TENM3: variants seen among roughly 807,000 people sequenced by gnomAD.
The protein encoded by TENM3 is teneurin transmembrane protein 3, also known as teneurin-3.
TENM3 carries 63 observed loss-of-function variants against 255.1 expected under a neutral mutation model. The observed-to-expected ratio is 0.25, with a 90% CI of 0.20 to 0.30. The LOEUF (loss-of-function observed/expected upper bound fraction) is 0.30, where lower values mean the gene tolerates loss of function less well. Ranked by LOEUF, TENM3 falls within the 10% of genes least tolerant of loss-of-function variation. The pLI is 1.00. For missense variants in TENM3, 2,929 were observed against 3,461.1 expected, an observed-to-expected ratio of 0.85 and a Z score of 3.86; for synonymous variants, 1,306 against 1,322.3, an observed-to-expected ratio of 0.99 and a Z score of 0.27.
the TENM3 span, among the ~76,000 whole-genome samples, chr4:181,493,020 G>GA: frequency 0.026 from 3,833 of 145,490 alleles, 69 homozygotes; most frequent in South Asian, 0.042. Flanking sequence ...ACCATTGTGA[G>GA]AAAAAAAAAA....
chr4:181,809,163 A>G, the TENM3 span, among the ~76,000 whole-genome samples: 2 of 152,232 alleles, frequency 1.3e-5, no homozygotes, highest in African/African-American at 2.4e-5. Context: ...AAAGAAGTTA[A>G]AGAGAGCCAC....
At chr4:182,399,998 T>C (rs1312547708) in intron 3 of TENM3, among the ~76,000 whole-genome samples, 2 of 152,202 alleles carry the variant, frequency 1.3e-5, no homozygotes, top group African/African-American at 2.4e-5. Flanking sequence ...CCTGTTTTAC[T>C]TGTGTGTCTT....
At chr4:181,900,316 A>G in the TENM3 span, among the ~76,000 whole-genome samples, 1 of 152,238 alleles carries the variant, frequency 6.6e-6, no homozygotes, top group Non-Finnish European at 1.5e-5. Flanking sequence ...ATCTTTAATC[A>G]CTTTACCTGA....
At chr4:182,629,696 A>T (rs1169440319) in intron 5 of TENM3, among the ~76,000 whole-genome samples, 1 of 152,164 alleles carries the variant, frequency 6.6e-6, no homozygotes, top group Non-Finnish European at 1.5e-5. Flanking sequence ...CACCAAGAAC[A>T]ATAGCCAGTG....
chr4:181,871,394 CCTTTTATTTAGAT>C, the TENM3 span, among the ~76,000 whole-genome samples: 9 of 152,014 alleles, frequency 5.9e-5, no homozygotes, highest in Middle Eastern at 3.5e-3. Context: ...GTAACTCTCT[CCTTTTATTTAGAT>C]CTTTTATAAT....
At position 182,715,428 on chromosome 4, in the gene TENM3, A is replaced by G. The variant is rs562190564; in HGVS notation, c.2368+1195A>G. ...TAGTAATCATGTGACCTCAGACAAAATCTGTAATCACTTTAACCTCAATTG... is the reference window on the plus strand; with the variant it reads ...TAGTAATCATGTGACCTCAGACAAAGTCTGTAATCACTTTAACCTCAATTG... On this transcript the variant is annotated intron_variant, in intron 13 of 27. Transcript: ENST00000511685. Among the ~76,000 whole-genome samples, 6 of 152,320 alleles carry G rather than the reference A, an allele frequency of 3.9e-5. No homozygotes were observed. The South Asian group carries it at 1.2e-3, about 32-fold the overall frequency.
At chr4:182,035,785 G>A in the TENM3 span, among the ~76,000 whole-genome samples, 3 of 152,166 alleles carry the variant, frequency 2.0e-5, no homozygotes, top group Middle Eastern at 3.4e-3. Context: ...ACATGATGAC[G>A]ATGTCTCCTG....
intron 5 of TENM3, 102 bp from the exon 6 acceptor site, chr4:182,653,669 A>C: frequency 1.5e-6 from 2 of 1,311,472 alleles, no homozygotes; most frequent in South Asian, 1.7e-5. Flanking sequence ...AGAAAATGGA[A>C]ATTGTAACTT....
At chr4:181,773,889 A>G in the TENM3 span, among the ~76,000 whole-genome samples, 2 of 152,138 alleles carry the variant, frequency 1.3e-5, no homozygotes, top group Non-Finnish European at 2.9e-5. Flanking sequence ...TGCCCTCTGC[A>G]GTATTCCCCG....
intron 1 of TENM3, among the ~76,000 whole-genome samples, chr4:182,194,356 G>A (rs757379716): frequency 2.0e-5 from 3 of 152,174 alleles, no homozygotes; most frequent in Admixed American, 6.5e-5. Flanking sequence ...ATGCACGCGT[G>A]TTGCCAAACC....
chr4:181,875,590 T>C, the TENM3 span, among the ~76,000 whole-genome samples: 3 of 152,096 alleles, frequency 2.0e-5, no homozygotes, highest in African/African-American at 7.2e-5. Context: ...CATGTCCCAT[T>C]TACTCACAAA....
At chr4:181,628,517 G>A in the TENM3 span, among the ~76,000 whole-genome samples, 1 of 152,178 alleles carries the variant, frequency 6.6e-6, no homozygotes, top group Non-Finnish European at 1.5e-5. Flanking sequence ...TGTATAAGGT[G>A]TAAGGAAGGG....
At position 182,271,658 on chromosome 4, in the gene TENM3, T is replaced by G. The variant is rs554914641; in HGVS notation, c.-76+28182T>G. On this transcript the variant is annotated intron_variant, in intron 1 of 27. Coordinates refer to ENST00000511685, the MANE Select transcript of TENM3 (RefSeq NM_001080477.4). ...CCTTTGTCTCGGAACCTCAATCCTA[T>G]AAGCAGTGGCGATATTTTTACGGGG... 7.2e-5 allele frequency among the ~76,000 whole-genome samples: 11 copies of G among 152,344 alleles called. No individual in the cohort carries two copies. In the South Asian group the frequency reaches 1.7e-3, roughly 23 times the overall value.
chr4:182,100,482 C>CACAT, the TENM3 span, among the ~76,000 whole-genome samples: 4 of 121,334 alleles, frequency 3.3e-5, 1 homozygote, highest in African/African-American at 1.3e-4. Flanking sequence ...CACACACACA[C>CACAT]ATATATATAT....
chr4:181,951,547 T>A, the TENM3 span, among the ~76,000 whole-genome samples: 2 of 152,210 alleles, frequency 1.3e-5, no homozygotes, highest in Non-Finnish European at 2.9e-5. Flanking sequence ...AACGGCAAAG[T>A]CCATATTTGA....
intron 3 of TENM3, among the ~76,000 whole-genome samples, chr4:182,388,839 G>A (rs1354846053): frequency 1.3e-5 from 2 of 152,012 alleles, no homozygotes; most frequent in Non-Finnish European, 2.9e-5. Flanking sequence ...GAAAATGTTC[G>A]CAATCTATGA....
chr4:181,471,943 G>A, the TENM3 span, among the ~76,000 whole-genome samples: 1 of 152,108 alleles, frequency 6.6e-6, no homozygotes, highest in Non-Finnish European at 1.5e-5. Flanking sequence ...TAAGCTGGGG[G>A]CAACTTAGCA....
At chr4:181,783,220 G>T in the TENM3 span, among the ~76,000 whole-genome samples, 1 of 152,118 alleles carries the variant, frequency 6.6e-6, no homozygotes, top group African/African-American at 2.4e-5. Context: ...TGACAGTGGG[G>T]TGTTAAAGTC....
the TENM3 span, among the ~76,000 whole-genome samples, chr4:182,044,611 T>A: frequency 1.3e-5 from 2 of 152,210 alleles, no homozygotes; most frequent in East Asian, 3.8e-4. Flanking sequence ...ACATGTAAAA[T>A]GTTATGTGGT....
Sources: gnomAD v4.1 joint callset for allele counts (sites outside exome capture counted in the v4.1 genomes callset) on GRCh38, gnomAD v4.1.1 for gene constraint, MANE v1.5 for transcripts, NCBI Gene and HGNC (gene_info 2026-07-23, HGNC 2026-07-21) for gene names.